The following VPS13B variants were observed in gnomAD, a reference collection of about 807,000 sequenced individuals.
VPS13B encodes intermembrane lipid transfer protein VPS13B.
Under a neutral mutation model 426.4 loss-of-function variants are expected in VPS13B, and 285 were observed. The observed-to-expected ratio is 0.67, with a 90% CI of 0.61 to 0.74. The LOEUF (loss-of-function observed/expected upper bound fraction) is 0.74. Among genes scored for constraint, VPS13B ranks in the 30% least tolerant of loss-of-function variants. The pLI is 0.00. For synonymous variants in VPS13B, 1,676 were observed against 1,676.4 expected (o/e 1.00, Z 0.01); for missense variants, 4,537 against 4,782.6 (o/e 0.95, Z 1.51).
intron 5 of VPS13B, among the ~76,000 whole-genome samples, chr8:99,104,617 T>C (rs540788287): frequency 7.7e-6 from 1 of 129,422 alleles, no homozygotes; most frequent in African/African-American, 2.9e-5. Context: ...CCCCTGCCCC[T>C]TTCCCTCTTC....
At chr8:99,675,847 T>G (rs935086241) in intron 35 of VPS13B, among the ~76,000 whole-genome samples, 1 of 152,148 alleles carries the variant, frequency 6.6e-6, no homozygotes, top group African/African-American at 2.4e-5. Context: ...ATTGTTTTTC[T>G]TATGTTGTTG....
intron 19 of VPS13B, among the ~76,000 whole-genome samples, chr8:99,360,200 CTCTCTCTCTCTT>C (rs1221468175): frequency 7.4e-5 from 3 of 40,780 alleles, no homozygotes; most frequent in African/African-American, 2.5e-4. Flanking sequence ...CTCTCTCTCT[CTCTCTCTCTCTT>C]TCTTTCTTTC....
chr8:99,640,046 GAAGAGAAAAGAAAAGAAA>G (rs1270833495), intron 33 of VPS13B, among the ~76,000 whole-genome samples: 153 of 72,752 alleles, frequency 2.1e-3, no homozygotes, highest in South Asian at 4.2e-3. Flanking sequence ...AGAAGAAGAA[GAAGAGAAAAGAAAAGAAA>G]AGAAAAGAAA....
At chr8:99,649,177 T>C (rs1312320225) in intron 34 of VPS13B, among the ~76,000 whole-genome samples, 1 of 152,140 alleles carries the variant, frequency 6.6e-6, no homozygotes. Flanking sequence ...GTAGGTTGAT[T>C]ATTGTGTGTC....
intron 3 of VPS13B, among the ~76,000 whole-genome samples, chr8:99,066,312 C>T (rs1158425829): frequency 6.6e-6 from 1 of 152,160 alleles, no homozygotes; most frequent in African/African-American, 2.4e-5. Context: ...ATATATAGAC[C>T]AATGGAACAG....
rs1563513170 is a variant in VPS13B, at chr8:99,859,447, G to A, written c.11011G>A (p.Gly3671Arg). The part of the protein sequence containing the change: ...PGAFVSGVSR[G>R]TTSFVKHISK... The stretch of plus-strand genomic sequence containing the variant: ...AGCCTTCGTGAGTGGCGTCTCCAGA[G>A]GGACCACATCGTTTGTAAAGCACAT... Residue 3671 changes from glycine to arginine, a missense_variant, in exon 57 of 62, where the codon GGG becomes AGG. Physicochemically the swap from Gly to Arg is moderately radical, Grantham distance 125 (BLOSUM62 -2). Transcript: ENST00000357162. The A allele has an allele frequency of 6.2e-7, 1 of 1,614,120 alleles. No homozygotes were observed. Among genetic ancestry groups the A allele is most frequent in the Non-Finnish European group, 8.5e-7 (1 of 1,180,026 alleles).
chr8:99,613,520 T>C (rs1189533503), intron 33 of VPS13B, among the ~76,000 whole-genome samples: 9 of 152,184 alleles, frequency 5.9e-5, no homozygotes, highest in African/African-American at 2.2e-4. Flanking sequence ...TATGAAACAA[T>C]AGATAGCACG....
intron 58 of VPS13B, among the ~76,000 whole-genome samples, chr8:99,864,393 A>T (rs1816990186): frequency 6.6e-6 from 1 of 152,078 alleles, no homozygotes; most frequent in African/African-American, 2.4e-5. Flanking sequence ...TACAAAAATA[A>T]AATGAAATAC....
At chr8:99,234,484 G>A (rs1816529556) in intron 17 of VPS13B, 11 of 547,524 alleles carry the variant, frequency 2.0e-5, no homozygotes, top group Admixed American at 1.7e-4. Context: ...GCCCCGCCCC[G>A]ACTCTACACG....
chr8:99,219,270 A>T (rs1162396347), intron 17 of VPS13B, among the ~76,000 whole-genome samples: 3 of 152,206 alleles, frequency 2.0e-5, no homozygotes, highest in African/African-American at 7.2e-5. Context: ...ATGCCCACTG[A>T]ATAGCTGGAG....
intron 30 of VPS13B, among the ~76,000 whole-genome samples, chr8:99,534,124 C>T (rs990952211): frequency 6.6e-6 from 1 of 152,022 alleles, no homozygotes; most frequent in Non-Finnish European, 1.5e-5. Flanking sequence ...TCCCTAAAAG[C>T]TTTGTTTGAA....
intron 30 of VPS13B, among the ~76,000 whole-genome samples, chr8:99,530,092 TGATGGGG>T (rs555244419): frequency 6.6e-6 from 1 of 152,334 alleles, no homozygotes; most frequent in African/African-American, 2.4e-5. Context: ...AACTTTACAT[TGATGGGG>T]GTTTGTATCC....
intron 16 of VPS13B, among the ~76,000 whole-genome samples, chr8:99,187,840 C>A (rs1416499212): frequency 6.6e-6 from 1 of 150,838 alleles, no homozygotes; most frequent in Non-Finnish European, 1.5e-5. Context: ...TGCTGGTATG[C>A]ACCCATTGTC....
At position 99,556,651 on chromosome 8, in the gene VPS13B, C is replaced by A. The variant is rs985853073; in HGVS notation, c.4947C>A (p.Ser1649Arg). ...CAGCCCTTGAGTGGAATATGGCCAG[C>A]AGGTAGGAAATGATTGAGAAACTTT... ...QNPALEWNMA[S>R]SIRRHQERRA... The change falls in exon 31 of 62, where the codon AGC becomes AGA. Residue 1649 changes from serine (S) to arginine (R), a missense_variant and splice_region_variant. Physicochemically the swap from Ser to Arg is moderately radical, Grantham distance 110. This residue lies in a region of VPS13B where 4,311 missense variants were observed against 4,474.3 expected (regional missense o/e 0.96). Transcript: ENST00000357162. 3.1e-6 allele frequency: 5 copies of A among 1,612,444 alleles called. No individual in the cohort carries two copies. Among genetic ancestry groups the A allele is most frequent in the African/African-American group, 2.7e-5 (2 of 74,828 alleles).
chr8:99,559,362 T>C (rs1824768890), intron 31 of VPS13B, among the ~76,000 whole-genome samples: 1 of 152,230 alleles, frequency 6.6e-6, no homozygotes, highest in Non-Finnish European at 1.5e-5. Flanking sequence ...AGGTTGCCTC[T>C]TCACTCTGAT....
Position 99,152,049 on chromosome 8 carries a change from A to G in VPS13B, c.2013+4039A>G, listed in dbSNP as rs148695346. On this transcript the variant is annotated intron_variant, in intron 14 of 61. Coordinates refer to ENST00000357162, the MANE Select transcript of VPS13B (RefSeq NM_152564.5). ...TTTCATTGATTTCTGTTTTGATTTT[A>G]ATTCTTTTCTTCTTATTTTGGATTT... Among the ~76,000 whole-genome samples, 1,198 of 151,840 alleles carry G rather than the reference A, an allele frequency of 7.9e-3. 13 individuals carry two copies. The highest frequency in any genetic ancestry group is 0.028 in the African/African-American group (1,143 of 41,438).
intron 33 of VPS13B, among the ~76,000 whole-genome samples, chr8:99,605,469 T>C (rs1827525231): frequency 6.6e-6 from 1 of 152,234 alleles, no homozygotes; most frequent in South Asian, 2.1e-4. Flanking sequence ...ATCCTAGATA[T>C]AATCATTTCA....
chr8:99,578,721 CAAGTT>C (rs1370753215), intron 33 of VPS13B, among the ~76,000 whole-genome samples: 1 of 152,050 alleles, frequency 6.6e-6, no homozygotes, highest in African/African-American at 2.4e-5. Flanking sequence ...GCCTCTGAAG[CAAGTT>C]GAGTTGGATA....
At chr8:99,394,685 C>T (rs1814633061) in intron 21 of VPS13B, among the ~76,000 whole-genome samples, 1 of 152,038 alleles carries the variant, frequency 6.6e-6, no homozygotes, top group South Asian at 2.1e-4. Context: ...ATGAAAATGT[C>T]TGTGATGGAG....
Sources: allele counts gnomAD v4.1 joint callset (sites outside exome capture counted in the v4.1 genomes callset), GRCh38; gene constraint gnomAD v4.1.1; regional missense constraint gnomAD v4.1.1; transcripts MANE v1.5; gene names NCBI Gene and HGNC (gene_info 2026-07-23, HGNC 2026-07-21).